TRAM1: variants seen among roughly 807,000 people sequenced by gnomAD.
The protein encoded by TRAM1 is translocation associated membrane protein 1.
TRAM1 carries 17 observed loss-of-function variants against 48.7 expected under a neutral mutation model. The ratio of observed to expected loss-of-function variants is 0.35; its 90% CI spans 0.24 to 0.52. The LOEUF (loss-of-function observed/expected upper bound fraction) is 0.52. TRAM1 is among the 20% of genes least tolerant of loss of function. The probability of loss-of-function intolerance (pLI) is 0.94; values close to 1 mark genes in which losing one functional copy is unlikely to be tolerated. For missense variants in TRAM1, 351 were observed against 441.5 expected (o/e 0.79, Z 1.84); for synonymous variants, 182 against 154.0 (o/e 1.18, Z -1.34).
intron 1 of TRAM1, among the ~76,000 whole-genome samples, chr8:70,603,577 C>G (rs928774826): frequency 6.6e-6 from 1 of 152,112 alleles, no homozygotes; most frequent in Non-Finnish European, 1.5e-5. Flanking sequence ...ATTAGCTGGG[C>G]ATCGTGGCGG....
intron 10 of TRAM1, among the ~76,000 whole-genome samples, chr8:70,578,698 A>T (rs1338413328): frequency 6.6e-6 from 1 of 152,208 alleles, no homozygotes; most frequent in Non-Finnish European, 1.5e-5. Context: ...TTAAATAATA[A>T]ATAATGCTGA....
At chr8:70,583,512 C>T in intron 9 of TRAM1, 138 bp downstream of exon 9, 1 of 1,329,224 alleles carries the variant, frequency 7.5e-7, no homozygotes, top group Admixed American at 2.8e-5. Flanking sequence ...TGTAAAATAG[C>T]AACGGGTATG....
At chr8:70,575,036 CT>C in intron 10 of TRAM1, 31 bp from the exon 11 acceptor site, 1 of 1,484,350 alleles carries the variant, frequency 6.7e-7, no homozygotes, top group Non-Finnish European at 9.2e-7. Flanking sequence ...ATGTTACTCT[CT>C]TTTATAAATA....
At chr8:70,584,926 C>T (rs2132029516) in intron 8 of TRAM1, among the ~76,000 whole-genome samples, 1 of 152,278 alleles carries the variant, frequency 6.6e-6, no homozygotes, top group Middle Eastern at 3.4e-3. Flanking sequence ...TTGGAAAAAA[C>T]TACTTTAAAG....
At chr8:70,575,840 G>A (rs575943710) in intron 10 of TRAM1, among the ~76,000 whole-genome samples, 1 of 151,924 alleles carries the variant, frequency 6.6e-6, no homozygotes, top group Non-Finnish European at 1.5e-5. Flanking sequence ...ACTTTGGGAG[G>A]CTGAGGTGGG....
intron 7 of TRAM1, 24 bp from the exon 8 acceptor site, chr8:70,587,023 TG>T: frequency 6.2e-7 from 1 of 1,612,312 alleles, no homozygotes; most frequent in Non-Finnish European, 8.5e-7. Context: ...AAATTAAAAA[TG>T]GGAATATTAA....
At chr8:70,601,608 T>G (rs1158320524) in intron 1 of TRAM1, among the ~76,000 whole-genome samples, 1 of 152,194 alleles carries the variant, frequency 6.6e-6, no homozygotes, top group Non-Finnish European at 1.5e-5. Context: ...ATTAGGTAAT[T>G]AATCAATATC....
chr8:70,584,875 A>G (rs1444882442), intron 8 of TRAM1, among the ~76,000 whole-genome samples: 1 of 152,192 alleles, frequency 6.6e-6, no homozygotes, highest in African/African-American at 2.4e-5. Context: ...TATAGATTCA[A>G]TGCCATCCCC....
chr8:70,583,119 A>C (rs1817116393), intron 10 of TRAM1, 45 bp downstream of exon 10: 1 of 1,567,040 alleles, frequency 6.4e-7, no homozygotes, highest in African/African-American at 1.4e-5. Context: ...ATTTTTTAAA[A>C]GTTTTCTACT....
At chr8:70,586,861 A>G (rs372705256) in intron 8 of TRAM1, 34 bp downstream of exon 8, 25 of 1,552,934 alleles carry the variant, frequency 1.6e-5, no homozygotes, top group Non-Finnish European at 2.2e-5. Flanking sequence ...TTAAATACCT[A>G]GTACACGAGA....
intron 10 of TRAM1, among the ~76,000 whole-genome samples, chr8:70,579,781 G>A (rs1273758834): frequency 2.0e-5 from 3 of 152,140 alleles, no homozygotes; most frequent in Non-Finnish European, 4.4e-5. Flanking sequence ...CCTCTTATAT[G>A]AGGAACAAGA....
rs56898865 is a variant in TRAM1 at position 70,593,382 on chromosome 8, AG to A, written c.570+1123del. On this transcript the variant is annotated intron_variant, in intron 6 of 10. Transcript: ENST00000262213. ...AGACTGGCTGTCACACTTTCACTCC[AG>A]GTTTCTCAAAGGGGATTAAAAAAAA... Among the ~76,000 whole-genome samples, 800 of 151,806 alleles carry A rather than the reference AG, an allele frequency of 5.3e-3. 9 individuals carry two copies. The highest frequency in any genetic ancestry group is 0.019 in the African/African-American group (768 of 41,398).
chr8:70,581,375 G>A (rs189563158), intron 10 of TRAM1, among the ~76,000 whole-genome samples: 167 of 152,268 alleles, frequency 1.1e-3, no homozygotes, highest in East Asian at 4.0e-3. Context: ...ATCGACATAC[G>A]AATAAATGAA....
intron 5 of TRAM1, 71 bp from the exon 6 acceptor site, chr8:70,594,661 G>A: frequency 1.6e-6 from 2 of 1,222,772 alleles, no homozygotes; most frequent in Non-Finnish European, 2.3e-6. Context: ...AACAAATACT[G>A]GAAATCAGGA....
intron 6 of TRAM1, among the ~76,000 whole-genome samples, chr8:70,589,223 T>G (rs1817295447): frequency 6.6e-6 from 1 of 152,222 alleles, no homozygotes; most frequent in African/African-American, 2.4e-5. Flanking sequence ...ACAGTCATTC[T>G]TCCAATGGAA....
In TRAM1 at chr8:70,607,896, G is replaced by C. The variant is rs531002738; in HGVS notation, c.123+181C>G. On this transcript the variant is annotated intron_variant, in intron 1 of 10. Transcript: ENST00000262213. ...ACTTTGCATCTCCGGGCCGGCCGCC[G>C]GGGAGCTGCCGCCGACGTGGGGCAG... The C allele has an allele frequency of 2.7e-4, 185 of 679,012 alleles. 3 individuals carry two copies. The South Asian group carries it at 7.2e-3, about 26-fold the overall frequency. 42.1% of individuals were successfully genotyped at this position (679,012 alleles called of 1,614,324 possible). A position where few individuals can be genotyped will look rare whatever the true frequency, so the allele number is the denominator to read the frequency against.
chr8:70,607,185 G>A, intron 1 of TRAM1: 1 of 985,276 alleles, frequency 1.0e-6, no homozygotes, highest in South Asian at 4.7e-5. Context: ...GATGTTACTC[G>A]TTCACCTTGC....
At chr8:70,603,648 C>T (rs960499495) in intron 1 of TRAM1, among the ~76,000 whole-genome samples, 9 of 152,124 alleles carry the variant, frequency 5.9e-5, no homozygotes, top group Non-Finnish European at 1.2e-4. Context: ...ACCCAGGAGG[C>T]GGAGGGTGCA....
Position 70,574,680 on chromosome 8 carries a change from A to G in TRAM1, c.*252T>C, listed in dbSNP as rs1327142334. ...CATTAGAAAAATGTTCAAAAATAAA[A>G]ACAAAATAAAATATGGTGGTGGTCC... On this transcript the variant is annotated 3_prime_UTR_variant, in exon 11 of 11. Coordinates refer to ENST00000262213, the MANE Select transcript of TRAM1 (RefSeq NM_014294.6). 2 of 305,500 alleles carry G rather than the reference A, an allele frequency of 6.5e-6. No homozygotes were observed. The highest frequency in any genetic ancestry group is 1.2e-5 in the Non-Finnish European group (2 of 167,982). The allele number at this position is 305,500 out of a possible 1,614,324, so 18.9% of individuals were successfully genotyped here.
Sources: gnomAD v4.1 joint callset for allele counts (sites outside exome capture counted in the v4.1 genomes callset) on GRCh38, gnomAD v4.1.1 for gene constraint, MANE v1.5 for transcripts, NCBI Gene and HGNC (gene_info 2026-07-23, HGNC 2026-07-21) for gene names.